The following PNKD variants were observed in gnomAD, a reference collection of about 807,000 sequenced individuals.
The protein encoded by PNKD is probable thioesterase PNKD.
Under a neutral mutation model 45.3 loss-of-function variants are expected in PNKD, and 36 were observed. The ratio of observed to expected loss-of-function variants is 0.80; its 90% confidence interval spans 0.61 to 1.05. The LOEUF (loss-of-function observed/expected upper bound fraction) is 1.05, where lower values mean the gene tolerates loss of function less well. PNKD is among the 50% of genes least tolerant of loss of function. The pLI, the probability that PNKD is intolerant of heterozygous loss-of-function variation, is 0.00. For synonymous variants in PNKD, 197 were observed against 210.1 expected, an observed-to-expected ratio of 0.94 and a Z score of 0.54; for missense variants, 511 against 506.6, an observed-to-expected ratio of 1.01 and a Z score of -0.08.
intron 2 of PNKD, among the ~76,000 whole-genome samples, chr2:218,293,425 AAG>A (rs1191219625): frequency 6.6e-6 from 1 of 152,120 alleles, no homozygotes; most frequent in Non-Finnish European, 1.5e-5. Context: ...TCAATTTAAA[AAG>A]AGAAACATTA....
In PNKD at chr2:218,339,878, C is replaced by T. The variant is rs1241137423; in HGVS notation, c.332C>T (p.Thr111Ile). The T allele has an allele frequency of 6.3e-7, 1 of 1,595,832 alleles. No homozygotes were observed. Among genetic ancestry groups the T allele is most frequent in the Non-Finnish European group, 8.6e-7 (1 of 1,169,532 alleles). Residue 111 changes from threonine to isoleucine, a missense_variant, in exon 3 of 10, where the codon ACC becomes ATC. Transcript: ENST00000273077. The part of the protein sequence containing the change: ...RNRYPKGHSK[T>I]QPRLFNGVKV... ...CGCTACCCTAAAGGCCACTCGAAAA[C>T]CCAGCCCCGCCTCTTCAATGGTGAG...
Position 218,341,591 on chromosome 2 carries a change from CG to C in PNKD, c.585del (p.Ser196AlafsTer77), listed in dbSNP as rs761519363. On this transcript the variant is annotated frameshift_variant, in exon 6 of 10. Coordinates refer to ENST00000273077, the MANE Select transcript of PNKD (RefSeq NM_015488.5). LOFTEE classifies it high-confidence loss of function. ...SRRHRDCRVYGSPQDGIPYLT... is the reference protein window; with the variant it reads ...SRRHRDCRVYXSPQDGIPYLT... ...GGCGGCACCGGGACTGTCGGGTGTA[CG>C]GGAGCCCTCAGGACGGCATCCCCTA... 1.3e-4 allele frequency: 213 copies of C among 1,594,116 alleles called. No individual in the cohort carries two copies. The highest frequency in any genetic ancestry group is 1.8e-4 in the Non-Finnish European group (210 of 1,170,594).
At chr2:218,292,613 A>AG (rs1397520253) in intron 2 of PNKD, 1 of 151,820 alleles carries the variant, frequency 6.6e-6, no homozygotes, top group Admixed American at 6.6e-5. Context: ...CAGGGGGCGC[A>AG]GGGGTCTGTC....
At chr2:218,302,445 G>T (rs1486118101) in intron 2 of PNKD, among the ~76,000 whole-genome samples, 1 of 152,196 alleles carries the variant, frequency 6.6e-6, no homozygotes, top group Non-Finnish European at 1.5e-5. Flanking sequence ...GTGGGGGGTG[G>T]TGGACAATGG....
At chr2:218,304,983 G>A (rs1419037651) in intron 2 of PNKD, among the ~76,000 whole-genome samples, 1 of 152,146 alleles carries the variant, frequency 6.6e-6, no homozygotes, top group African/African-American at 2.4e-5. Flanking sequence ...TAAGGCAGGA[G>A]AATCACTTGA....
chr2:218,280,291 A>T, intron 2 of PNKD: 2 of 589,628 alleles, frequency 3.4e-6, no homozygotes, highest in Non-Finnish European at 6.1e-6. Context: ...CCTCAGAGTG[A>T]CCCAGAGCCG....
intron 2 of PNKD, chr2:218,282,076 G>A: frequency 1.3e-6 from 2 of 1,595,608 alleles, no homozygotes; most frequent in Non-Finnish European, 1.7e-6. Flanking sequence ...AGCCCCCAGG[G>A]GGCGGAGGGC....
chr2:218,343,571 A>G lies in PNKD; in HGVS notation c.853A>G (p.Thr285Ala), dbSNP rs1694743155. ...LDTVLGLGDD[T>A]LLWPGHEYAE... The stretch of plus-strand genomic sequence containing the variant: ...CACTGTGCTGGGGCTAGGGGATGAC[A>G]CCCTTCTGTGGCCTGGTGAGACACC... The change falls in exon 8 of 10, where the codon ACC becomes GCC. Residue 285 changes from threonine (T) to alanine (A), a missense_variant. Physicochemically the swap from Thr to Ala is moderately conservative, Grantham distance 58 (BLOSUM62 0). Coordinates refer to ENST00000273077, the MANE Select transcript of PNKD (RefSeq NM_015488.5). 6.2e-7 allele frequency: 1 copy of G among 1,612,158 alleles called. No homozygotes were observed. Among genetic ancestry groups the G allele is most frequent in the Non-Finnish European group, 8.5e-7 (1 of 1,179,252 alleles).
At chr2:218,330,876 C>T (rs1465895061) in intron 2 of PNKD, among the ~76,000 whole-genome samples, 3 of 152,212 alleles carry the variant, frequency 2.0e-5, no homozygotes, top group African/African-American at 4.8e-5. Flanking sequence ...ATGGAGAGAG[C>T]GTGAACCCAC....
intron 2 of PNKD, among the ~76,000 whole-genome samples, chr2:218,282,899 G>A (rs1195492368): frequency 6.6e-6 from 1 of 152,196 alleles, no homozygotes; most frequent in African/African-American, 2.4e-5. Flanking sequence ...AAATAACAGC[G>A]GTGGCGTGTC....
chr2:218,272,907 C>A, intron 2 of PNKD: 1 of 1,545,120 alleles, frequency 6.5e-7, no homozygotes, highest in East Asian at 2.4e-5. Flanking sequence ...AAGGAGCCAG[C>A]CAAAGGCAAA....
At chr2:218,297,510 C>T (rs1693168116) in intron 2 of PNKD, among the ~76,000 whole-genome samples, 1 of 151,802 alleles carries the variant, frequency 6.6e-6, no homozygotes, top group South Asian at 2.1e-4. Context: ...ATAGTGAAAC[C>T]CCATCTCTAC....
At chr2:218,343,198 G>A (rs779769038) in intron 7 of PNKD, among the ~76,000 whole-genome samples, 5 of 152,228 alleles carry the variant, frequency 3.3e-5, no homozygotes, top group Admixed American at 6.5e-5. Context: ...GAAGTGTTCC[G>A]TGGGAAAGAG....
intron 8 of PNKD, among the ~76,000 whole-genome samples, chr2:218,344,058 G>A (rs1229253878): frequency 6.6e-6 from 1 of 152,134 alleles, no homozygotes; most frequent in Non-Finnish European, 1.5e-5. Context: ...ACACATACCA[G>A]GCTCTGTTCC....
intron 2 of PNKD, among the ~76,000 whole-genome samples, chr2:218,320,246 A>G (rs1482378376): frequency 1.3e-5 from 2 of 152,236 alleles, no homozygotes; most frequent in Non-Finnish European, 2.9e-5. Flanking sequence ...ACTATTTTTA[A>G]TTGACACACA....
At chr2:218,315,094 C>CTCTCCTTCCTTCCTTCCT (rs1693767720) in intron 2 of PNKD, among the ~76,000 whole-genome samples, 2 of 101,540 alleles carry the variant, frequency 2.0e-5, no homozygotes, top group African/African-American at 7.8e-5. Flanking sequence ...CTCTCTCTCT[C>CTCTCCTTCCTTCCTTCCT]TCCTTCCTTC....
chr2:218,333,856 T>C (rs1280835508), intron 2 of PNKD, among the ~76,000 whole-genome samples: 1 of 150,880 alleles, frequency 6.6e-6, no homozygotes, highest in Non-Finnish European at 1.5e-5. Flanking sequence ...GGCTCACACC[T>C]ATAATCCCAA....
chr2:218,343,311 A>C (rs200897878), intron 7 of PNKD, among the ~76,000 whole-genome samples, 189 bp from the exon 8 acceptor site: 3 of 152,172 alleles, frequency 2.0e-5, no homozygotes, highest in Non-Finnish European at 4.4e-5. Flanking sequence ...GGGCTTGGTC[A>C]GGGGGTGACC....
At chr2:218,299,967 G>A (rs1693231768) in intron 2 of PNKD, among the ~76,000 whole-genome samples, 1 of 151,644 alleles carries the variant, frequency 6.6e-6, no homozygotes, top group Non-Finnish European at 1.5e-5. Context: ...ATGTTGCCTA[G>A]GCTGGTCTCA....
Sources: gnomAD v4.1 joint callset for allele counts (sites outside exome capture counted in the v4.1 genomes callset) on GRCh38, gnomAD v4.1.1 for gene constraint, MANE v1.5 for transcripts, NCBI Gene and HGNC (gene_info 2026-07-23, HGNC 2026-07-21) for gene names.